The following HHLA1 variants were observed in gnomAD, a reference collection of about 807,000 sequenced individuals.
HHLA1 encodes HERV-H LTR-associating protein 1.
In HHLA1, 72 loss-of-function variants were observed where a neutral mutation model predicts 69.9. The observed-to-expected ratio is 1.03, with a 90% confidence interval of 0.85 to 1.25. The LOEUF is 1.25. Ranked by LOEUF, HHLA1 falls within the 50% of genes most tolerant of loss-of-function variation. The pLI, the probability that HHLA1 is intolerant of heterozygous loss-of-function variation, is 0.00. For missense variants in HHLA1, 685 were observed against 642.2 expected (o/e 1.07, Z -0.72); for synonymous variants, 252 against 233.2 (o/e 1.08, Z -0.73).
Position 132,084,196 on chromosome 8 carries a change from C to T in HHLA1, c.676+3457G>A, listed in dbSNP as rs577393543. ...CTAGTCAGGGAACGAAACTGTAAGCCGGACCAGGTGTGAGGAGGGGAGGTG... is the reference window on the plus strand; with the variant it reads ...CTAGTCAGGGAACGAAACTGTAAGCTGGACCAGGTGTGAGGAGGGGAGGTG... On this transcript the variant is annotated intron_variant, in intron 10 of 16. Coordinates refer to ENST00000414222, the MANE Select transcript of HHLA1 (RefSeq NM_001145095.3). 4.1e-3 allele frequency among the ~76,000 whole-genome samples: 618 copies of T among 152,092 alleles called. 2 individuals are homozygous for T. The highest frequency in any genetic ancestry group is 0.014 in the African/African-American group (598 of 41,474).
intron 3 of HHLA1, among the ~76,000 whole-genome samples, chr8:132,103,305 C>T (rs564915995): frequency 1.3e-5 from 2 of 152,220 alleles, no homozygotes; most frequent in East Asian, 1.9e-4. Flanking sequence ...TGTGAATGTA[C>T]TAATTTAAAA....
intron 10 of HHLA1, among the ~76,000 whole-genome samples, chr8:132,084,360 C>T (rs1038656789): frequency 6.6e-6 from 1 of 151,936 alleles, no homozygotes; most frequent in Non-Finnish European, 1.5e-5. Flanking sequence ...CTCAGCGACG[C>T]TTGGGGTTGG....
chr8:132,083,181 C>T (rs1261293525), intron 10 of HHLA1, among the ~76,000 whole-genome samples: 2 of 151,994 alleles, frequency 1.3e-5, no homozygotes, highest in Non-Finnish European at 2.9e-5. Context: ...GTCAGGGAAG[C>T]AGATAATTTA....
chr8:132,076,435 C>A, intron 13 of HHLA1, 40 bp downstream of exon 13: 1 of 814,738 alleles, frequency 1.2e-6, no homozygotes, highest in Non-Finnish European at 2.0e-6. Context: ...CCCTCCCATC[C>A]CCCACCCCCA....
intron 14 of HHLA1, among the ~76,000 whole-genome samples, chr8:132,075,233 C>A (rs1823615411): frequency 6.6e-6 from 1 of 152,146 alleles, no homozygotes; most frequent in Non-Finnish European, 1.5e-5. Context: ...GGGGCAGGGT[C>A]CAGCAGTTTA....
At chr8:132,095,926 T>C (rs2130895261) in intron 5 of HHLA1, 140 bp from the exon 6 acceptor site, 3 of 566,772 alleles carry the variant, frequency 5.3e-6, no homozygotes, top group East Asian at 2.8e-5. Context: ...AAAAAAGTAA[T>C]ACAAATAAAA....
At position 132,071,343 on chromosome 8, in the gene HHLA1, A is replaced by T; in HGVS notation, c.1466T>A (p.Met489Lys). The stretch of plus-strand genomic sequence containing the variant: ...AGAAGCCACTGGGCCAAGTTACCTC[A>T]TGTCCTCTGTCCTGGGACTCCTCTG... ...MSQRSPRTED[M>K]RYCLEYYSWF... Residue 489 changes from methionine (M) to lysine (K), a missense_variant, in exon 15 of 17, where the codon ATG (methionine) becomes AAG (lysine). Transcript: ENST00000414222. 1.3e-6 allele frequency: 2 copies of T among 1,550,046 alleles called. No individual in the cohort carries two copies. Among genetic ancestry groups the T allele is most frequent in the Non-Finnish European group, 1.7e-6 (2 of 1,146,420 alleles).
At position 132,084,162 on chromosome 8, in the gene HHLA1, G is replaced by A. The variant is rs552925496; in HGVS notation, c.676+3491C>T. 4.6e-5 allele frequency among the ~76,000 whole-genome samples: 7 copies of A among 152,276 alleles called. No homozygotes were observed. The South Asian group carries it at 6.2e-4, about 14-fold the overall frequency. On this transcript the variant is annotated intron_variant, in intron 10 of 16. Coordinates refer to ENST00000414222, the MANE Select transcript of HHLA1 (RefSeq NM_001145095.3). ...TTTAAGAGTAAATTGCTGGGCAGGT[G>A]GGGGAGGGCTAGTCAGGGAACGAAA...
Position 132,098,898 on chromosome 8 carries a change from G to A in HHLA1, c.264C>T (p.Leu88=), listed in dbSNP as rs1222428175. 3.2e-6 allele frequency: 5 copies of A among 1,549,814 alleles called. No homozygotes were observed. Among genetic ancestry groups the A allele is most frequent in the Non-Finnish European group, 4.4e-6 (5 of 1,145,450 alleles). Residue 88 remains leucine (L), a synonymous_variant, in exon 5 of 17, where the codon CTC becomes CTT. Coordinates refer to ENST00000414222, the MANE Select transcript of HHLA1 (RefSeq NM_001145095.3). ...TATGATTACCTTTTAACGCTCTACTGAGCATCCCATTCACAAGCTCTGTCA... is the reference window on the plus strand; with the variant it reads ...TATGATTACCTTTTAACGCTCTACTAAGCATCCCATTCACAAGCTCTGTCA... ...LNLTELVNGM[L]SRALKDSKKF...
At chr8:132,090,756 T>TC (rs746487550) in intron 7 of HHLA1, among the ~76,000 whole-genome samples, 464 of 4,670 alleles carry the variant, frequency 0.099, 2 homozygotes, top group Middle Eastern at 0.17. Flanking sequence ...TTTCTCTCTC[T>TC]TTTTTTTTTT....
intron 12 of HHLA1, among the ~76,000 whole-genome samples, chr8:132,076,833 AG>A (rs1200409862): frequency 1.3e-5 from 2 of 152,170 alleles, no homozygotes; most frequent in Non-Finnish European, 2.9e-5. Context: ...GGTGTTGTAC[AG>A]GAAGTGTCCA....
chr8:132,105,692 T>C (rs1038960883), intron 1 of HHLA1, among the ~76,000 whole-genome samples: 4 of 152,234 alleles, frequency 2.6e-5, no homozygotes, highest in African/African-American at 9.6e-5. Context: ...CATTTGCTTT[T>C]GCTTGCAGCC....
At chr8:132,097,449 A>C (rs931972227) in intron 5 of HHLA1, among the ~76,000 whole-genome samples, 1 of 152,224 alleles carries the variant, frequency 6.6e-6, no homozygotes, top group South Asian at 2.1e-4. Context: ...CAACGTCTGC[A>C]TCTAGAAAAT....
intron 10 of HHLA1, among the ~76,000 whole-genome samples, chr8:132,082,021 G>C (rs1823760883): frequency 6.6e-6 from 1 of 152,134 alleles, no homozygotes; most frequent in Non-Finnish European, 1.5e-5. Context: ...CAGGAAAGAA[G>C]GAAATTTGGG....
chr8:132,093,551 T>A lies in HHLA1; in HGVS notation c.448+1968A>T, dbSNP rs77963318. On this transcript the variant is annotated intron_variant, in intron 7 of 16. Transcript: ENST00000414222. The stretch of plus-strand genomic sequence containing the variant: ...CGTGTACAGCCTCTCATGGTAGCGC[T>A]GTGACTTCTTGTCAAACCTGGCAAA... 8.3e-3 allele frequency among the ~76,000 whole-genome samples: 1,259 copies of A among 152,294 alleles called. 17 individuals carry two copies. Among genetic ancestry groups the A allele is most frequent in the African/African-American group, 0.028 (1,178 of 41,536 alleles).
At chr8:132,107,527 C>T (rs1015257834) in intron 1 of HHLA1, among the ~76,000 whole-genome samples, 5 of 152,060 alleles carry the variant, frequency 3.3e-5, no homozygotes, top group Admixed American at 2.0e-4. Context: ...TCTCGACTCC[C>T]GACCTCAGAT....
intron 8 of HHLA1, 126 bp from the exon 9 acceptor site, chr8:132,088,027 TTACTC>T (rs1246748720): frequency 9.5e-6 from 7 of 738,214 alleles, no homozygotes; most frequent in Non-Finnish European, 1.6e-5. Context: ...GCCTGACTCT[TTACTC>T]TTAAGGCAGT....
intron 1 of HHLA1, among the ~76,000 whole-genome samples, 153 bp from the exon 2 acceptor site, chr8:132,105,439 C>T (rs1321755480): frequency 6.6e-6 from 1 of 152,208 alleles, no homozygotes; most frequent in East Asian, 1.9e-4. Flanking sequence ...CAAATTAACT[C>T]CACAATTTAA....
At chr8:132,101,366 T>C in intron 3 of HHLA1, 14 of 1,450,386 alleles carry the variant, frequency 9.7e-6, no homozygotes, top group Non-Finnish European at 1.3e-5. Flanking sequence ...GTCCAACACT[T>C]TGAAGAATGG....
Sources: gnomAD v4.1 joint callset for allele counts (sites outside exome capture counted in the v4.1 genomes callset) on GRCh38, gnomAD v4.1.1 for gene constraint, MANE v1.5 for transcripts, NCBI Gene and HGNC (gene_info 2026-07-23, HGNC 2026-07-21) for gene names.